Variants in ERAP1 observed in about 807,000 individuals in gnomAD.
ERAP1 encodes the protein adipocyte-derived leucine aminopeptidase.
In ERAP1, 86 loss-of-function variants were observed where a neutral mutation model predicts 103.7. The observed-to-expected ratio is 0.83, with a 90% CI of 0.70 to 0.99. The LOEUF (loss-of-function observed/expected upper bound fraction) is 0.99, where lower values mean the gene tolerates loss of function less well. ERAP1 is among the 50% of genes least tolerant of loss of function. The probability of loss-of-function intolerance (pLI) is 0.00; values close to 1 mark genes in which losing one functional copy is unlikely to be tolerated. For synonymous variants in ERAP1, 398 were observed against 402.4 expected (o/e 0.99, Z 0.13); for missense variants, 1,009 against 1,128.4 (o/e 0.89, Z 1.52).
the ERAP1 span, among the ~76,000 whole-genome samples, chr5:96,897,761 T>G: frequency 1.3e-4 from 20 of 152,196 alleles, no homozygotes; most frequent in Admixed American, 4.6e-4. Flanking sequence ...TATAGAACCA[T>G]TAGACCCAGA....
At chr5:96,914,941 ATACAT>A in the ERAP1 span, among the ~76,000 whole-genome samples, 162 of 106,108 alleles carry the variant, frequency 1.5e-3, 1 homozygote, top group Middle Eastern at 9.9e-3. Flanking sequence ...AGTTAAATAA[ATACAT>A]TATTTATTTC....
the ERAP1 span, among the ~76,000 whole-genome samples, chr5:96,819,128 G>A: frequency 6.6e-6 from 1 of 151,846 alleles, no homozygotes; most frequent in Non-Finnish European, 1.5e-5. Context: ...GTTTCAACAC[G>A]TTGGCCAGGA....
At chr5:96,825,242 C>T in the ERAP1 span, among the ~76,000 whole-genome samples, 55 of 152,138 alleles carry the variant, frequency 3.6e-4, no homozygotes, top group Admixed American at 8.5e-4. Flanking sequence ...ATCTTTGACA[C>T]AGAAGTTATT....
intron 4 of ERAP1, among the ~76,000 whole-genome samples, chr5:96,795,812 C>A (rs1324034579): frequency 2.0e-5 from 3 of 152,156 alleles, no homozygotes; most frequent in East Asian, 3.8e-4. Flanking sequence ...AAACATAATT[C>A]ATAATACAAA....
At chr5:96,903,504 A>G in the ERAP1 span, 3 of 1,613,930 alleles carry the variant, frequency 1.9e-6, no homozygotes, top group Middle Eastern at 1.7e-4. Flanking sequence ...AGAACCACAC[A>G]CTTCTCAGAC....
chr5:96,766,289 C>T lies in ERAP1; in HGVS notation c.2819-3061G>A, dbSNP rs73138691. ...ACTGCTTCTAATGTGTCACCAAAGCCGACCAGCAGGTAAATATTTATTTGA... is the reference window on the plus strand; with the variant it reads ...ACTGCTTCTAATGTGTCACCAAAGCTGACCAGCAGGTAAATATTTATTTGA... On this transcript the variant is annotated intron_variant, in intron 19 of 19. Transcript: ENST00000296754. The T allele has an allele frequency of 3.8e-3, 2,132 of 555,032 alleles. 24 individuals carry two copies. The highest frequency in any genetic ancestry group is 0.036 in the African/African-American group (1,884 of 52,246). The allele number at this position is 555,032 out of a possible 1,614,324, so 34.4% of individuals were successfully genotyped here.
chr5:96,841,543 C>T, the ERAP1 span, among the ~76,000 whole-genome samples: 1 of 152,180 alleles, frequency 6.6e-6, no homozygotes, highest in Non-Finnish European at 1.5e-5. Context: ...CCACCACCCC[C>T]CCACAATGCC....
the ERAP1 span, chr5:96,901,386 A>C: frequency 9.3e-7 from 1 of 1,076,732 alleles, no homozygotes; most frequent in East Asian, 2.4e-5. Context: ...CTGAGATACC[A>C]GTCCGAGTCT....
At chr5:96,934,897 CG>C in the ERAP1 span, 1 of 152,950 alleles carries the variant, frequency 6.5e-6, no homozygotes, top group Non-Finnish European at 1.5e-5. Context: ...GCTGGGAGGG[CG>C]GCGGCCTCTG....
At chr5:96,807,536 G>A (rs1581653932) in intron 1 of ERAP1, among the ~76,000 whole-genome samples, 1 of 152,200 alleles carries the variant, frequency 6.6e-6, no homozygotes, top group African/African-American at 2.4e-5. Context: ...GACCCGTGAA[G>A]CAGGCGCACC....
the ERAP1 span, among the ~76,000 whole-genome samples, chr5:96,905,635 C>A: frequency 6.6e-6 from 1 of 152,034 alleles, no homozygotes; most frequent in Non-Finnish European, 1.5e-5. Context: ...TGTAACCCTA[C>A]CATTTTGGGA....
the ERAP1 span, chr5:96,879,905 A>T: frequency 1.2e-6 from 2 of 1,614,134 alleles, no homozygotes; most frequent in Non-Finnish European, 1.7e-6. Flanking sequence ...CAGTGTGGTC[A>T]TTCCTCTCCA....
chr5:96,781,929 T>C lies in ERAP1; in HGVS notation c.2286-75A>G. ...TTAGAGGCATAATGGTGACTAACTA[T>C]GAACTGCTGAACTTTCCCCATGATC... On this transcript the variant is annotated intron_variant, in intron 15 of 18. Coordinates refer to ENST00000443439, the MANE Select transcript of ERAP1 (RefSeq NM_001040458.3). The C allele has an allele frequency of 7.3e-6, 9 of 1,230,768 alleles. No homozygotes were observed. The South Asian group carries it at 1.1e-4, about 15-fold the overall frequency. 76.2% of individuals were successfully genotyped at this position (1,230,768 alleles called of 1,614,324 possible).
chr5:96,785,433 A>G (rs1775862119), intron 13 of ERAP1: 1 of 344,416 alleles, frequency 2.9e-6, no homozygotes, highest in Non-Finnish European at 5.7e-6. Context: ...TGGTGGGAGA[A>G]ACCTGATCCG....
chr5:96,798,871 C>CTTTTTTTTT (rs10646647), intron 3 of ERAP1, among the ~76,000 whole-genome samples: 4,416 of 124,550 alleles, frequency 0.035, 294 homozygotes, highest in East Asian at 0.12. Flanking sequence ...CAAAAATTTC[C>CTTTTTTTTT]TTTTTTTTTT....
At chr5:96,766,295 G>C (rs1769931077) in intron 19 of ERAP1, 2 of 555,792 alleles carry the variant, frequency 3.6e-6, no homozygotes, top group African/African-American at 1.9e-5. Context: ...AAGCCGACCA[G>C]CAGGTAAATA....
chr5:96,822,954 AG>A, the ERAP1 span: 3 of 432,508 alleles, frequency 6.9e-6, no homozygotes, highest in Non-Finnish European at 9.4e-6. Flanking sequence ...ATGACTGGAG[AG>A]GGATCCACTT....
At chr5:96,815,378 G>A in the ERAP1 span, among the ~76,000 whole-genome samples, 1 of 149,664 alleles carries the variant, frequency 6.7e-6, no homozygotes, top group Admixed American at 6.6e-5. Flanking sequence ...AACTATTAAG[G>A]TGTTGTTGTT....
chr5:96,914,644 C>G, the ERAP1 span, among the ~76,000 whole-genome samples: 1 of 152,164 alleles, frequency 6.6e-6, no homozygotes, highest in Non-Finnish European at 1.5e-5. Context: ...ATATTTTTTT[C>G]TGAGCTGTAA....
Sources: allele counts gnomAD v4.1 joint callset (sites outside exome capture counted in the v4.1 genomes callset), GRCh38; gene constraint gnomAD v4.1.1; transcripts MANE v1.5; gene names NCBI Gene and HGNC (gene_info 2026-07-23, HGNC 2026-07-21).